CDC42SE2: variants seen among roughly 807,000 people sequenced by gnomAD.
CDC42SE2 encodes the protein CDC42 small effector 2.
CDC42SE2 carries 3 observed loss-of-function variants against 11.5 expected under a neutral mutation model. The observed-to-expected ratio is 0.26, with a 90% CI of 0.12 to 0.67. The LOEUF (loss-of-function observed/expected upper bound fraction) is 0.67, where lower values mean the gene tolerates loss of function less well. CDC42SE2 is among the 30% of genes least tolerant of loss of function. CDC42SE2 has a pLI of 0.80. For missense variants in CDC42SE2, 82 were observed against 106.8 expected, an observed-to-expected ratio of 0.77 and a Z score of 1.02; for synonymous variants, 33 against 34.8, an observed-to-expected ratio of 0.95 and a Z score of 0.18.
intron 2 of CDC42SE2, among the ~76,000 whole-genome samples, chr5:131,357,013 G>A (rs1749570398): frequency 6.6e-6 from 1 of 152,160 alleles, no homozygotes; most frequent in East Asian, 1.9e-4. Flanking sequence ...TAATGTTCAT[G>A]AGACTGTATA....
chr5:131,337,810 C>A (rs148183568), intron 2 of CDC42SE2, among the ~76,000 whole-genome samples: 3 of 152,224 alleles, frequency 2.0e-5, no homozygotes, highest in East Asian at 1.9e-4. Context: ...TTGTGAAGCC[C>A]GTTGGAAAAG....
chr5:131,370,482 C>A (rs902935148), intron 3 of CDC42SE2, among the ~76,000 whole-genome samples: 2 of 142,670 alleles, frequency 1.4e-5, no homozygotes, highest in African/African-American at 5.1e-5. Flanking sequence ...TTTATTTTAC[C>A]TTTTTTTTTT....
At chr5:131,365,746 G>T (rs1386066098) in intron 3 of CDC42SE2, among the ~76,000 whole-genome samples, 1 of 152,176 alleles carries the variant, frequency 6.6e-6, no homozygotes, top group Non-Finnish European at 1.5e-5. Context: ...ACTTTGGGAG[G>T]CCAAGGCGGG....
chr5:131,299,417 T>C (rs1256809368), intron 1 of CDC42SE2, among the ~76,000 whole-genome samples: 2 of 152,112 alleles, frequency 1.3e-5, no homozygotes, highest in Non-Finnish European at 2.9e-5. Flanking sequence ...AAATAGAACA[T>C]GGCCGTTTGG....
intron 1 of CDC42SE2, among the ~76,000 whole-genome samples, chr5:131,289,739 T>C (rs73249204): frequency 6.6e-6 from 1 of 152,040 alleles, no homozygotes; most frequent in Non-Finnish European, 1.5e-5. Flanking sequence ...TTTGCTCACA[T>C]GAGACTTTTC....
chr5:131,380,497 T>C (rs1561436337), intron 3 of CDC42SE2, among the ~76,000 whole-genome samples: 1 of 152,226 alleles, frequency 6.6e-6, no homozygotes, highest in Non-Finnish European at 1.5e-5. Flanking sequence ...TCTTTAAATG[T>C]CCACATTGTG....
chr5:131,291,416 T>C (rs1757455363), intron 1 of CDC42SE2, among the ~76,000 whole-genome samples: 1 of 152,310 alleles, frequency 6.6e-6, no homozygotes, highest in East Asian at 1.9e-4. Context: ...CAGTTTATTT[T>C]ACTATCCACT....
intron 1 of CDC42SE2, among the ~76,000 whole-genome samples, chr5:131,311,132 G>T (rs1757900347): frequency 6.6e-6 from 1 of 151,836 alleles, no homozygotes; most frequent in Non-Finnish European, 1.5e-5. Context: ...TTTAGGGCAG[G>T]CCTGGTGGTG....
At chr5:131,235,728 G>A in the CDC42SE2 span, among the ~76,000 whole-genome samples, 2 of 151,986 alleles carry the variant, frequency 1.3e-5, no homozygotes, top group African/African-American at 4.8e-5. Flanking sequence ...CCGAGTAGCT[G>A]GGACTACAGG....
chr5:131,299,056 G>A (rs1757629794), intron 1 of CDC42SE2, among the ~76,000 whole-genome samples: 1 of 152,138 alleles, frequency 6.6e-6, no homozygotes, highest in Non-Finnish European at 1.5e-5. Flanking sequence ...TGTCCTGTAG[G>A]CAACAGAAAG....
At chr5:131,360,209 C>T (rs1346004146) in intron 3 of CDC42SE2, among the ~76,000 whole-genome samples, 1 of 152,160 alleles carries the variant, frequency 6.6e-6, no homozygotes, top group Non-Finnish European at 1.5e-5. Flanking sequence ...CAACTTCCGC[C>T]TCCTGGGTTC....
chr5:131,223,312 G>T, the CDC42SE2 span, among the ~76,000 whole-genome samples: 1 of 152,048 alleles, frequency 6.6e-6, no homozygotes, highest in Non-Finnish European at 1.5e-5. Flanking sequence ...GTTTTCAGTC[G>T]TCTGGCCCTT....
intron 3 of CDC42SE2, among the ~76,000 whole-genome samples, chr5:131,371,162 T>C (rs933490095): frequency 1.3e-5 from 2 of 152,224 alleles, no homozygotes; most frequent in Non-Finnish European, 2.9e-5. Context: ...TTATAATATA[T>C]TGAACAGTTT....
chr5:131,344,892 G>T (rs1758801574), intron 2 of CDC42SE2, among the ~76,000 whole-genome samples: 1 of 152,072 alleles, frequency 6.6e-6, no homozygotes, highest in African/African-American at 2.4e-5. Context: ...CAAACGATCT[G>T]GAGTGGACCT....
Position 131,339,121 on chromosome 5 carries a change from G to A in CDC42SE2, c.-285-20088G>A, listed in dbSNP as rs866050885. Among the ~76,000 whole-genome samples the A allele has an allele frequency of 4.5e-4, 68 of 151,810 alleles. No homozygotes were observed. In the Middle Eastern group the frequency reaches 0.01, roughly 23 times the overall value. ...AAATTAGCTGGGCGTAGTGGTGCAC[G>A]TCTGTGGTCTCAGCTACTCGGCAGA... On this transcript the variant is annotated intron_variant, in intron 2 of 4. Coordinates refer to ENST00000505065, the MANE Select transcript of CDC42SE2 (RefSeq NM_001375635.1).
At chr5:131,376,926 AT>A (rs1750171914) in intron 3 of CDC42SE2, among the ~76,000 whole-genome samples, 1 of 152,082 alleles carries the variant, frequency 6.6e-6, no homozygotes, top group Admixed American at 6.6e-5. Context: ...TGACTTTGCG[AT>A]TGTGAATAGT....
chr5:131,317,883 C>A (rs1280441184), intron 2 of CDC42SE2, among the ~76,000 whole-genome samples: 1 of 148,848 alleles, frequency 6.7e-6, no homozygotes, highest in Admixed American at 6.7e-5. Flanking sequence ...TTTTCTTGAT[C>A]GATTCTGATG....
upstream of CDC42SE2, among the ~76,000 whole-genome samples, chr5:131,241,057 C>A (rs940149600): frequency 6.6e-6 from 1 of 152,172 alleles, no homozygotes; most frequent in Admixed American, 6.5e-5. Flanking sequence ...CGGCTCACTG[C>A]AAGCTCCGCC....
At position 131,320,144 on chromosome 5, in the gene CDC42SE2, G is replaced by C. The variant is rs1308521976; in HGVS notation, c.-286+4000G>C. Among the ~76,000 whole-genome samples, 6 of 151,846 alleles carry C rather than the reference G, an allele frequency of 4.0e-5. No individual in the cohort carries two copies. The South Asian group carries it at 1.2e-3, about 32-fold the overall frequency. On this transcript the variant is annotated intron_variant, in intron 2 of 4. Transcript: ENST00000505065. ...TAACACCTGTAACCCGAACACTTTG[G>C]GAGGCCAAGGCAGGTGGATCACTTG...
Sources: allele counts gnomAD v4.1 joint callset (sites outside exome capture counted in the v4.1 genomes callset), GRCh38; gene constraint gnomAD v4.1.1; transcripts MANE v1.5; gene names NCBI Gene and HGNC (gene_info 2026-07-23, HGNC 2026-07-21).